Variants in RUNX2 observed in about 807,000 individuals in gnomAD.
RUNX2 encodes the protein runt-related transcription factor 2.
RUNX2 carries 10 observed loss-of-function variants against 51.7 expected under a neutral mutation model. The ratio of observed to expected loss-of-function variants is 0.19; its 90% CI spans 0.12 to 0.33. The LOEUF (loss-of-function observed/expected upper bound fraction) is 0.33, where lower values mean the gene tolerates loss of function less well. RUNX2 is among the 10% of genes least tolerant of loss of function. The pLI is 1.00. For synonymous variants in RUNX2, 276 were observed against 273.6 expected (o/e 1.01, Z -0.09); for missense variants, 562 against 691.3 (o/e 0.81, Z 2.10).
intron 2 of RUNX2, among the ~76,000 whole-genome samples, chr6:45,409,910 C>T (rs1797914728): frequency 6.6e-6 from 1 of 152,120 alleles, no homozygotes; most frequent in East Asian, 1.9e-4. Context: ...ACAGATTATT[C>T]AGGTGATGAG....
intron 7 of RUNX2, among the ~76,000 whole-genome samples, chr6:45,525,412 T>A (rs531440227): frequency 5.3e-5 from 8 of 152,200 alleles, no homozygotes; most frequent in Non-Finnish European, 8.8e-5. Context: ...CTTCCATGAC[T>A]CAAGCATGTA....
intron 2 of RUNX2, among the ~76,000 whole-genome samples, chr6:45,362,880 A>G (rs1292611324): frequency 6.6e-6 from 1 of 152,160 alleles, no homozygotes; most frequent in Non-Finnish European, 1.5e-5. Context: ...CAAATGCACT[A>G]AATAGAAGCT....
chr6:45,416,753 TCAAA>T (rs1342305830), intron 2 of RUNX2, among the ~76,000 whole-genome samples: 1 of 152,166 alleles, frequency 6.6e-6, no homozygotes, highest in Non-Finnish European at 1.5e-5. Flanking sequence ...GGTATTTTAG[TCAAA>T]CAAAATATAT....
intron 2 of RUNX2, among the ~76,000 whole-genome samples, chr6:45,331,228 C>G (rs1210920829): frequency 1.3e-5 from 2 of 151,938 alleles, no homozygotes; most frequent in Admixed American, 1.3e-4. Context: ...CTGTACTACT[C>G]AAAATCTGTC....
intron 5 of RUNX2, among the ~76,000 whole-genome samples, chr6:45,490,539 A>C (rs1174918634): frequency 1.3e-5 from 2 of 152,230 alleles, no homozygotes; most frequent in African/African-American, 2.4e-5. Context: ...AAATAAAATA[A>C]GGAATTTGTC....
intron 6 of RUNX2, among the ~76,000 whole-genome samples, chr6:45,510,660 A>AC (rs1801113444): frequency 6.6e-6 from 1 of 152,044 alleles, no homozygotes; most frequent in Non-Finnish European, 1.5e-5. Context: ...TGTAGGGATA[A>AC]TTTGAAACCT....
intron 5 of RUNX2, among the ~76,000 whole-genome samples, chr6:45,469,795 C>G (rs962598086): frequency 1.1e-4 from 17 of 152,146 alleles, no homozygotes; most frequent in African/African-American, 3.9e-4. Context: ...AAGCTTTCAA[C>G]TTTTTTGAGT....
intron 2 of RUNX2, among the ~76,000 whole-genome samples, chr6:45,382,030 T>C (rs1797250238): frequency 6.6e-6 from 1 of 152,212 alleles, no homozygotes; most frequent in South Asian, 2.1e-4. Context: ...AAAATGATTA[T>C]GTTTTTGAGA....
intron 2 of RUNX2, 60 bp from the exon 3 acceptor site, chr6:45,422,530 CCCT>C: frequency 7.3e-7 from 1 of 1,365,772 alleles, no homozygotes; most frequent in East Asian, 4.2e-5. Flanking sequence ...CTCATTTCCA[CCCT>C]CCTCCCCCTC....
chr6:45,371,238 A>AT (rs1796014819), intron 2 of RUNX2, among the ~76,000 whole-genome samples: 2 of 152,338 alleles, frequency 1.3e-5, no homozygotes, highest in Admixed American at 1.3e-4. Context: ...AGCTTATGAG[A>AT]ATTCTGCATT....
chr6:45,360,824 G>A (rs984145654), intron 2 of RUNX2, among the ~76,000 whole-genome samples: 2 of 152,122 alleles, frequency 1.3e-5, no homozygotes, highest in Non-Finnish European at 2.9e-5. Flanking sequence ...CCTAAACGTA[G>A]GTAGCTTATC....
intron 6 of RUNX2, among the ~76,000 whole-genome samples, chr6:45,495,227 T>G: frequency 6.6e-6 from 1 of 152,258 alleles, no homozygotes; most frequent in East Asian, 1.9e-4. Flanking sequence ...GGGATTTATT[T>G]TCTTTTGTGA....
chr6:45,475,214 C>A (rs1264238430), intron 5 of RUNX2, among the ~76,000 whole-genome samples: 1 of 150,690 alleles, frequency 6.6e-6, no homozygotes, highest in East Asian at 1.9e-4. Flanking sequence ...AGTGATAGAA[C>A]ATGAGAAAGG....
intron 2 of RUNX2, among the ~76,000 whole-genome samples, chr6:45,335,122 T>C (rs560654922): frequency 2.0e-5 from 3 of 151,252 alleles, no homozygotes; most frequent in Non-Finnish European, 4.5e-5. Flanking sequence ...CCATGTAACC[T>C]GGGTAAACAA....
At chr6:45,471,606 A>G (rs552256395) in intron 5 of RUNX2, among the ~76,000 whole-genome samples, 329 of 151,906 alleles carry the variant, frequency 2.2e-3, no homozygotes, top group Middle Eastern at 3.4e-3. Context: ...CACCACGCCC[A>G]GCTAATTTTT....
intron 2 of RUNX2, among the ~76,000 whole-genome samples, chr6:45,417,873 A>T (rs1191211133): frequency 6.6e-6 from 1 of 152,226 alleles, no homozygotes; most frequent in Non-Finnish European, 1.5e-5. Flanking sequence ...TGCAAAAAAC[A>T]TCTTTGAGAA....
chr6:45,519,836 GTATA>G (rs70996334), intron 7 of RUNX2, among the ~76,000 whole-genome samples: 45 of 134,508 alleles, frequency 3.3e-4, no homozygotes, highest in African/African-American at 1.2e-3. Flanking sequence ...GTGTGTGTGT[GTATA>G]TATTTGAGAT....
At position 45,431,852 on chromosome 6, in the gene RUNX2, G is replaced by A; in HGVS notation, c.424-11G>A. 6.2e-7 allele frequency: 1 copy of A among 1,613,976 alleles called. No individual in the cohort carries two copies. The highest frequency in any genetic ancestry group is 8.5e-7 in the Non-Finnish European group (1 of 1,179,868). ...TGCCATTATTGCTGCTGTGTTTCCTGTTTTATGTAGGTGGTAGCCCTCGGA... is the reference window on the plus strand; with the variant it reads ...TGCCATTATTGCTGCTGTGTTTCCTATTTTATGTAGGTGGTAGCCCTCGGA... On this transcript the variant is annotated splice_polypyrimidine_tract_variant and intron_variant, in intron 3 of 8. Transcript: ENST00000647337.
chr6:45,483,863 A>G (rs1408456154), intron 5 of RUNX2, among the ~76,000 whole-genome samples: 1 of 152,218 alleles, frequency 6.6e-6, no homozygotes, highest in Non-Finnish European at 1.5e-5. Context: ...GACCAGTGTG[A>G]GTAGAGCACA....
Sources: gnomAD v4.1 joint callset for allele counts (sites outside exome capture counted in the v4.1 genomes callset) on GRCh38, gnomAD v4.1.1 for gene constraint, MANE v1.5 for transcripts, NCBI Gene and HGNC (gene_info 2026-07-23, HGNC 2026-07-21) for gene names.